The following CA2 variants were observed in gnomAD, a reference collection of about 807,000 sequenced individuals.
The protein encoded by CA2 is carbonate dehydratase II.
Under a neutral mutation model 27.8 loss-of-function variants are expected in CA2, and 23 were observed. The observed-to-expected ratio is 0.83, with a 90% CI of 0.59 to 1.17. The LOEUF is 1.17. CA2 is among the 50% of genes most tolerant of loss of function. CA2 has a pLI of 0.00. For missense variants in CA2, 300 were observed against 314.7 expected, an observed-to-expected ratio of 0.95 and a Z score of 0.35; for synonymous variants, 99 against 114.9, an observed-to-expected ratio of 0.86 and a Z score of 0.88.
At chr8:85,469,589 G>A (rs1325283925) in intron 2 of CA2, among the ~76,000 whole-genome samples, 2 of 152,094 alleles carry the variant, frequency 1.3e-5, no homozygotes, top group South Asian at 2.1e-4. Flanking sequence ...CCCTGCTTGA[G>A]ATGTTTTATT....
At chr8:85,466,709 C>A (rs552923225) in intron 2 of CA2, among the ~76,000 whole-genome samples, 2 of 151,068 alleles carry the variant, frequency 1.3e-5, no homozygotes, top group East Asian at 2.0e-4. Flanking sequence ...CACACACTTA[C>A]AATCATACTC....
chr8:85,475,495 A>G (rs1017743843), intron 4 of CA2, among the ~76,000 whole-genome samples: 1 of 152,180 alleles, frequency 6.6e-6, no homozygotes, highest in African/African-American at 2.4e-5. Flanking sequence ...GTAAAGTCCT[A>G]CAAGGAAATC....
At chr8:85,467,912 C>G (rs999901205) in intron 2 of CA2, among the ~76,000 whole-genome samples, 4 of 152,188 alleles carry the variant, frequency 2.6e-5, no homozygotes, top group South Asian at 4.1e-4. Context: ...TATTATCCAC[C>G]TAGTTCTACA....
chr8:85,475,665 T>TG (rs765279498), intron 4 of CA2, 133 bp from the exon 5 acceptor site: 22 of 768,416 alleles, frequency 2.9e-5, no homozygotes, highest in Non-Finnish European at 3.9e-5. Flanking sequence ...CCAGTACTGA[T>TG]GGGGGTCATG....
At chr8:85,480,582 C>T (rs888808374) in intron 6 of CA2, 88 bp from the exon 7 acceptor site, 40 of 1,363,198 alleles carry the variant, frequency 2.9e-5, no homozygotes, top group East Asian at 1.9e-4. Flanking sequence ...TGCGCCTGGC[C>T]GGGGAATGTA....
chr8:85,475,983 G>C, intron 5 of CA2, 123 bp downstream of exon 5: 1 of 768,814 alleles, frequency 1.3e-6, no homozygotes, highest in Non-Finnish European at 2.3e-6. Flanking sequence ...TGAGCAGTTA[G>C]TAAAGGTAGA....
intron 2 of CA2, among the ~76,000 whole-genome samples, chr8:85,471,385 CT>C (rs35626325): frequency 0.26 from 39,533 of 150,088 alleles, 5,679 homozygotes; most frequent in East Asian, 0.57. Context: ...AGCACTTTAT[CT>C]TTTTTTTTTT....
chr8:85,475,985 A>G (rs1811793692), intron 5 of CA2, 125 bp downstream of exon 5: 1 of 763,442 alleles, frequency 1.3e-6, no homozygotes, highest in Non-Finnish European at 2.3e-6. Context: ...AGCAGTTAGT[A>G]AAGGTAGAAT....
At chr8:85,478,247 T>C (rs377684915) in intron 6 of CA2, among the ~76,000 whole-genome samples, 3 of 152,318 alleles carry the variant, frequency 2.0e-5, no homozygotes, top group East Asian at 3.9e-4. Flanking sequence ...TATGAACTTA[T>C]GAATGCTGAA....
intron 4 of CA2, among the ~76,000 whole-genome samples, chr8:85,475,215 A>G (rs1454514083): frequency 6.6e-6 from 1 of 151,672 alleles, no homozygotes; most frequent in Non-Finnish European, 1.5e-5. Context: ...AAAAACAAAA[A>G]CACAAAATTA....
At chr8:85,464,768 T>G (rs1811596978) in intron 1 of CA2, 1 of 158,690 alleles carries the variant, frequency 6.3e-6, no homozygotes, top group Non-Finnish European at 1.4e-5. Context: ...CAGAGGAGCA[T>G]GCGTCTGGCG....
intron 6 of CA2, among the ~76,000 whole-genome samples, chr8:85,478,532 C>T (rs960197078): frequency 6.6e-6 from 1 of 152,028 alleles, no homozygotes; most frequent in Non-Finnish European, 1.5e-5. Context: ...AATAGTCTGA[C>T]ATTTAGAGCC....
rs1563435556 is a variant in CA2, at chr8:85,477,252, CCCATCAG to C, written c.642_648del (p.Ile215SerfsTer7). On this transcript the variant is annotated frameshift_variant, in exon 6 of 7. Transcript: ENST00000285379. LOFTEE classifies it low-confidence loss of function (END_TRUNC). ...TGTGACCTGGATTGTGCTCAAGGAA[CCCATCAG>C]CGTCAGCAGCGAGCAGGTTTGTTTT... 1 of 1,614,090 alleles carries C rather than the reference CCCATCAG, an allele frequency of 6.2e-7. No homozygotes were observed. The highest frequency in any genetic ancestry group is 1.1e-5 in the South Asian group (1 of 91,068).
intron 2 of CA2, among the ~76,000 whole-genome samples, chr8:85,471,077 G>A (rs1393024913): frequency 6.6e-6 from 1 of 152,078 alleles, no homozygotes. Context: ...CCAGAATATA[G>A]CATAAAGTCC....
intron 1 of CA2, 57 bp from the exon 2 acceptor site, chr8:85,465,215 G>A (rs1811608519): frequency 1.4e-6 from 2 of 1,383,508 alleles, no homozygotes; most frequent in African/African-American, 2.8e-5. Context: ...CTCTTCTCTA[G>A]GGGTCTGGGT....
In CA2 at chr8:85,477,412, G is replaced by T; in HGVS notation, c.663+137G>T. 3.1e-6 allele frequency: 3 copies of T among 965,224 alleles called. No homozygotes were observed. The South Asian group carries it at 3.9e-5, about 13-fold the overall frequency. 59.8% of individuals were successfully genotyped at this position (965,224 alleles called of 1,614,324 possible). A position where few individuals can be genotyped will look rare whatever the true frequency, so the allele number is the denominator to read the frequency against. On this transcript the variant is annotated intron_variant, in intron 6 of 6. Coordinates refer to ENST00000285379, the MANE Select transcript of CA2 (RefSeq NM_000067.3). The stretch of plus-strand genomic sequence containing the variant: ...TTGCTATGGAAATAGTGCCTTTGAT[G>T]GTGCCTAGCAAATAAACAGCGTTCA...
intron 1 of CA2, 75 bp downstream of exon 1, chr8:85,464,190 C>A (rs964577746): frequency 2.2e-6 from 3 of 1,377,052 alleles, no homozygotes; most frequent in Non-Finnish European, 3.0e-6. Context: ...AGCCCGGATG[C>A]CGGCCCGGGG....
Position 85,477,102 on chromosome 8 carries a change from G to GTA in CA2, c.508-16_508-15dup. 1 of 1,613,706 alleles carries GTA rather than the reference G, an allele frequency of 6.2e-7. No individual in the cohort carries two copies. Among genetic ancestry groups the GTA allele is most frequent in the Non-Finnish European group, 8.5e-7 (1 of 1,179,680 alleles). The stretch of plus-strand genomic sequence containing the variant: ...TGTCAATGTGATAGTTTGAAGCTGC[G>GTA]TATTTGCCTTGTTCTAGGGCAAGAG... On this transcript the variant is annotated splice_polypyrimidine_tract_variant and intron_variant, in intron 5 of 6. Transcript: ENST00000285379.
chr8:85,473,241 A>G, intron 2 of CA2: 1 of 337,030 alleles, frequency 3.0e-6, no homozygotes, highest in Non-Finnish European at 5.9e-6. Flanking sequence ...TTGGTGGAAG[A>G]GAGGGTCTCA....
Sources: allele counts gnomAD v4.1 joint callset (sites outside exome capture counted in the v4.1 genomes callset), GRCh38; gene constraint gnomAD v4.1.1; transcripts MANE v1.5; gene names NCBI Gene and HGNC (gene_info 2026-07-23, HGNC 2026-07-21).